The following GRIN2A variants were observed in gnomAD, a reference collection of about 807,000 sequenced individuals.
GRIN2A encodes glutamate receptor ionotropic, NMDA 2A.
Under a neutral mutation model 113.4 loss-of-function variants are expected in GRIN2A, and 22 were observed. The observed-to-expected ratio is 0.19, with a 90% CI of 0.14 to 0.28. The LOEUF (loss-of-function observed/expected upper bound fraction) is 0.28, where lower values mean the gene tolerates loss of function less well. Among genes scored for constraint, GRIN2A ranks in the 10% least tolerant of loss-of-function variants. The pLI, the probability that GRIN2A is intolerant of heterozygous loss-of-function variation, is 1.00. For missense variants in GRIN2A, 1,502 were observed against 1,887.0 expected (o/e 0.80, Z 3.78); for synonymous variants, 827 against 738.4 (o/e 1.12, Z -1.94).
chr16:9,923,800 A>G (rs1306107871), intron 3 of GRIN2A, among the ~76,000 whole-genome samples: 2 of 152,116 alleles, frequency 1.3e-5, no homozygotes, highest in East Asian at 1.9e-4. Flanking sequence ...TTTAAAAGTA[A>G]TTTATCTTTT....
chr16:9,956,317 G>A (rs1360873156), intron 2 of GRIN2A, among the ~76,000 whole-genome samples: 2 of 151,960 alleles, frequency 1.3e-5, no homozygotes, highest in Non-Finnish European at 2.9e-5. Context: ...AAAAAGCAAA[G>A]GTGAATAAAA....
At chr16:9,979,941 G>C (rs1019367618) in intron 2 of GRIN2A, among the ~76,000 whole-genome samples, 1 of 150,910 alleles carries the variant, frequency 6.6e-6, no homozygotes, top group Non-Finnish European at 1.5e-5. Context: ...ATAGACTCTG[G>C]TGATATTGGA....
At chr16:9,847,637 C>G (rs1417293713) in intron 5 of GRIN2A, among the ~76,000 whole-genome samples, 1 of 148,426 alleles carries the variant, frequency 6.7e-6, no homozygotes, top group Non-Finnish European at 1.5e-5. Context: ...ATTTTTAACA[C>G]ATAAAAATAT....
Position 9,890,328 on chromosome 16 carries a change from G to A in GRIN2A, c.1122+658C>T, listed in dbSNP as rs542908357. ...AGGGAGGGCAACTGAACCAGATATT[G>A]TCATTGTATGTATGAGATCATCTGT... On this transcript the variant is annotated intron_variant, in intron 4 of 12. Coordinates refer to ENST00000330684, the MANE Select transcript of GRIN2A (RefSeq NM_001134407.3). 4.8e-4 allele frequency among the ~76,000 whole-genome samples: 73 copies of A among 152,298 alleles called. 1 individual carries two copies. The South Asian group carries it at 0.014, about 30-fold the overall frequency.
At chr16:10,015,591 G>T (rs560155563) in intron 2 of GRIN2A, among the ~76,000 whole-genome samples, 159 of 152,324 alleles carry the variant, frequency 1.0e-3, no homozygotes, top group Admixed American at 4.1e-3. Context: ...CATTTTGCAA[G>T]ATAGGCAGTT....
intron 12 of GRIN2A, among the ~76,000 whole-genome samples, chr16:9,767,944 A>G (rs1485626681): frequency 6.6e-6 from 1 of 152,262 alleles, no homozygotes; most frequent in Non-Finnish European, 1.5e-5. Context: ...CACAAATTGT[A>G]ACATCTTGCA....
chr16:9,956,373 T>A (rs998865502), intron 2 of GRIN2A, among the ~76,000 whole-genome samples: 2 of 152,334 alleles, frequency 1.3e-5, no homozygotes, highest in Admixed American at 6.5e-5. Flanking sequence ...TTATCACGTA[T>A]GAGCCGTGTG....
chr16:10,180,192 T>A lies in GRIN2A; in HGVS notation c.220A>T (p.Met74Leu), dbSNP rs531731817. 1 of 1,614,120 alleles carries A rather than the reference T, an allele frequency of 6.2e-7. No individual in the cohort carries two copies. Among genetic ancestry groups the A allele is most frequent in the South Asian group, 1.1e-5 (1 of 91,080 alleles). Residue 74 changes from methionine to leucine, a missense_variant, in exon 2 of 13, where the codon ATG becomes TTG. Coordinates refer to ENST00000330684, the MANE Select transcript of GRIN2A (RefSeq NM_001134407.3). This position sits in a 1 kb window ranked among gnomAD's most constrained non-coding sequence, Gnocchi z 7.0. ...AGGCTCTTGGGGTCGGTGCGGTTCA[T>A]CAGCAGAGCTACCACGTTCACGTCC... is the stretch of plus-strand genomic sequence containing the variant. The part of the protein sequence containing the change: ...PLDVNVVALL[M>L]NRTDPKSLIT...
intron 2 of GRIN2A, among the ~76,000 whole-genome samples, chr16:10,114,677 A>G (rs910998967): frequency 1.3e-5 from 2 of 152,210 alleles, no homozygotes; most frequent in African/African-American, 4.8e-5. Context: ...CTGATTTCTG[A>G]CAGTATTTCC....
intron 2 of GRIN2A, among the ~76,000 whole-genome samples, chr16:10,179,085 A>T (rs895189765): frequency 1.3e-5 from 2 of 152,118 alleles, no homozygotes; most frequent in Non-Finnish European, 2.9e-5. Context: ...GGCTGTCATA[A>T]CATCGCCTTC....
chr16:9,769,132 T>C, intron 11 of GRIN2A, 43 bp from the exon 12 acceptor site: 1 of 1,463,062 alleles, frequency 6.8e-7, no homozygotes. Flanking sequence ...GACCAGAACA[T>C]GCACTTTGGG....
At chr16:10,044,022 T>TATAGAGAGAGAGATAGAGAG (rs531659457) in intron 2 of GRIN2A, among the ~76,000 whole-genome samples, 1 of 107,984 alleles carries the variant, frequency 9.3e-6, no homozygotes, top group African/African-American at 3.9e-5. Flanking sequence ...TATATATATA[T>TATAGAGAGAGAGATAGAGAG]AGAGAGAGAG....
intron 3 of GRIN2A, among the ~76,000 whole-genome samples, chr16:9,924,955 T>C (rs952330219): frequency 6.6e-6 from 1 of 152,232 alleles, no homozygotes; most frequent in East Asian, 1.9e-4. Context: ...AATAGCCCCA[T>C]GTGCCAATTC....
rs1326018962 is a variant in GRIN2A, at chr16:10,110,079, G to C, written c.414+69919C>G. On this transcript the variant is annotated intron_variant, in intron 2 of 12. Coordinates refer to ENST00000330684, the MANE Select transcript of GRIN2A (RefSeq NM_001134407.3). ...CCCCCACCCCACAACAGTCCCCAGA[G>C]TGTGATGTTCCCCTTCCTGTGTCCA... is the stretch of plus-strand genomic sequence containing the variant. 3.4e-5 allele frequency among the ~76,000 whole-genome samples: 5 copies of C among 149,212 alleles called. No homozygotes were observed. In the South Asian group the frequency reaches 8.5e-4, roughly 25 times the overall value.
At chr16:9,909,284 C>T (rs150014066) in intron 3 of GRIN2A, among the ~76,000 whole-genome samples, 5 of 152,306 alleles carry the variant, frequency 3.3e-5, no homozygotes, top group African/African-American at 4.8e-5. Flanking sequence ...CCACCAGGTC[C>T]TTCCCACAAC....
chr16:9,822,134 G>A (rs770013818), intron 10 of GRIN2A, 130 bp downstream of exon 10: 81 of 980,560 alleles, frequency 8.3e-5, no homozygotes, highest in Non-Finnish European at 1.3e-4. Context: ...CTCAACTGGG[G>A]CCCATCTGGA....
intron 2 of GRIN2A, among the ~76,000 whole-genome samples, chr16:10,083,613 G>A (rs2048026915): frequency 6.6e-6 from 1 of 152,196 alleles, no homozygotes; most frequent in Non-Finnish European, 1.5e-5. Flanking sequence ...TCATAGAGCT[G>A]CTTCTCTTTA....
chr16:9,817,874 G>A (rs1303843643), intron 10 of GRIN2A, among the ~76,000 whole-genome samples: 1 of 152,200 alleles, frequency 6.6e-6, no homozygotes, highest in African/African-American at 2.4e-5. Flanking sequence ...TGCTCTGGAT[G>A]TTCTAAGTCA....
chr16:9,934,157 T>C (rs749287308), intron 3 of GRIN2A, among the ~76,000 whole-genome samples: 1 of 152,260 alleles, frequency 6.6e-6, no homozygotes, highest in Non-Finnish European at 1.5e-5. Flanking sequence ...TTGTTCCCTA[T>C]GATGAATATC....
Sources: gnomAD v4.1 joint callset for allele counts (sites outside exome capture counted in the v4.1 genomes callset) on GRCh38, gnomAD v4.1.1 for gene constraint, Gnocchi (gnomAD v3.1) non-coding constraint, MANE v1.5 for transcripts, NCBI Gene and HGNC (gene_info 2026-07-23, HGNC 2026-07-21) for gene names.